Variants in NXPH1 observed in about 807,000 individuals in gnomAD.
NXPH1 encodes neurexophilin 1.
In NXPH1, 5 loss-of-function variants were observed where a neutral mutation model predicts 23.7. The ratio of observed to expected loss-of-function variants is 0.21; its 90% confidence interval spans 0.11 to 0.44. NXPH1 has a LOEUF of 0.44. Ranked by LOEUF, NXPH1 falls within the 20% of genes least tolerant of loss-of-function variation. The probability of loss-of-function intolerance (pLI) is 0.99; values close to 1 mark genes in which losing one functional copy is unlikely to be tolerated. For synonymous variants in NXPH1, 144 were observed against 122.2 expected (o/e 1.18, Z -1.18); for missense variants, 324 against 321.6 (o/e 1.01, Z -0.06).
intron 2 of NXPH1, among the ~76,000 whole-genome samples, chr7:8,558,329 T>C (rs1051791040): frequency 1.6e-4 from 25 of 151,626 alleles, no homozygotes; most frequent in African/African-American, 5.6e-4. Context: ...TGGAAGCGAG[T>C]TGTAATTCTT....
At chr7:8,529,278 G>A (rs1201814519) in intron 2 of NXPH1, among the ~76,000 whole-genome samples, 2 of 152,188 alleles carry the variant, frequency 1.3e-5, no homozygotes, top group African/African-American at 4.8e-5. Flanking sequence ...TATACACAAA[G>A]TCCCTTTTGC....
intron 2 of NXPH1, among the ~76,000 whole-genome samples, chr7:8,482,949 A>G (rs1817099877): frequency 1.3e-5 from 2 of 152,240 alleles, no homozygotes; most frequent in Admixed American, 1.3e-4. Flanking sequence ...CAAATAAACG[A>G]AATATCTTCT....
chr7:8,554,092 G>C (rs1246070328), intron 2 of NXPH1, among the ~76,000 whole-genome samples: 2 of 151,622 alleles, frequency 1.3e-5, no homozygotes, highest in African/African-American at 2.4e-5. Context: ...GTGGAGTTAT[G>C]CTTGTTAAGA....
chr7:8,490,709 G>C (rs963623517), intron 2 of NXPH1, among the ~76,000 whole-genome samples: 1 of 152,018 alleles, frequency 6.6e-6, no homozygotes, highest in African/African-American at 2.4e-5. Flanking sequence ...TTCTATGTAA[G>C]ATGTCAATAG....
intron 2 of NXPH1, among the ~76,000 whole-genome samples, chr7:8,714,005 A>G (rs1562462810): frequency 6.6e-6 from 1 of 152,176 alleles, no homozygotes; most frequent in Admixed American, 6.5e-5. Context: ...GGGCTCTACA[A>G]TTTACAATTA....
intron 2 of NXPH1, among the ~76,000 whole-genome samples, chr7:8,480,405 T>C (rs750980981): frequency 2.0e-5 from 3 of 152,202 alleles, no homozygotes; most frequent in Non-Finnish European, 4.4e-5. Context: ...GGAAGGCAAA[T>C]CTATCTTTAC....
At chr7:8,720,004 T>G (rs1399127657) in intron 2 of NXPH1, among the ~76,000 whole-genome samples, 1 of 152,164 alleles carries the variant, frequency 6.6e-6, no homozygotes, top group Non-Finnish European at 1.5e-5. Context: ...GGCTATGAAG[T>G]CCTTGCTGAA....
At chr7:8,497,580 T>A (rs1817358822) in intron 2 of NXPH1, among the ~76,000 whole-genome samples, 1 of 152,268 alleles carries the variant, frequency 6.6e-6, no homozygotes, top group Middle Eastern at 3.4e-3. Flanking sequence ...GGTATCTCAT[T>A]GTGGTTTTGA....
At chr7:8,555,337 A>T (rs1818340541) in intron 2 of NXPH1, among the ~76,000 whole-genome samples, 1 of 151,664 alleles carries the variant, frequency 6.6e-6, no homozygotes, top group African/African-American at 2.4e-5. Context: ...TGTCTCTTTG[A>T]TGGATGTGTA....
intron 2 of NXPH1, among the ~76,000 whole-genome samples, chr7:8,474,072 A>G (rs912416017): frequency 6.6e-6 from 1 of 152,182 alleles, no homozygotes; most frequent in Admixed American, 6.5e-5. Context: ...CTAATGGTGG[A>G]TAGCCAATTA....
chr7:8,751,582 G>C lies in NXPH1; in HGVS notation c.629G>C (p.Cys210Ser). ...GACAAGGCTACCAAGAACACACTCT[G>C]CAACTATGACCCTTCAAAAACCTGT... is the stretch of plus-strand genomic sequence containing the variant. The part of the protein sequence containing the change: ...KVDKATKNTL[C>S]NYDPSKTCYQ... The change falls in exon 3 of 3, where the codon TGC (cysteine) becomes TCC (serine). Residue 210 changes from cysteine to serine, a missense_variant. Cys to Ser is a moderately radical substitution (Grantham distance 112). Coordinates refer to ENST00000405863, the MANE Select transcript of NXPH1 (RefSeq NM_152745.3). This position sits in a 1 kb window ranked among gnomAD's most constrained non-coding sequence, Gnocchi z 4.5. The C allele has an allele frequency of 6.2e-7, 1 of 1,613,472 alleles. No homozygotes were observed. Among genetic ancestry groups the C allele is most frequent in the Non-Finnish European group, 8.5e-7 (1 of 1,179,726 alleles).
intron 2 of NXPH1, among the ~76,000 whole-genome samples, chr7:8,616,455 C>T (rs1235458521): frequency 1.3e-5 from 2 of 151,966 alleles, no homozygotes; most frequent in Non-Finnish European, 2.9e-5. Context: ...CTCGTCATCT[C>T]GACTCAACTT....
chr7:8,547,471 C>T (rs975671810), intron 2 of NXPH1, among the ~76,000 whole-genome samples: 3 of 151,168 alleles, frequency 2.0e-5, no homozygotes, highest in East Asian at 2.0e-4. Context: ...GACTAGAAAA[C>T]GTGTAATTCT....
chr7:8,675,934 T>C (rs1290945606), intron 2 of NXPH1, among the ~76,000 whole-genome samples: 1 of 152,162 alleles, frequency 6.6e-6, no homozygotes, highest in African/African-American at 2.4e-5. Context: ...TGTTGGTCAT[T>C]CTTGGCTCCA....
intron 2 of NXPH1, among the ~76,000 whole-genome samples, chr7:8,743,675 T>C (rs942175533): frequency 7.1e-6 from 1 of 141,464 alleles, no homozygotes; most frequent in African/African-American, 2.7e-5. Context: ...GTGGCAACTC[T>C]TTTTTTTTCT....
intron 2 of NXPH1, among the ~76,000 whole-genome samples, chr7:8,542,202 G>A (rs1425161100): frequency 2.0e-5 from 3 of 151,502 alleles, no homozygotes; most frequent in Non-Finnish European, 4.4e-5. Context: ...TAATATAAAA[G>A]TGGATCTGTG....
At chr7:8,582,230 A>G (rs1245100170) in intron 2 of NXPH1, among the ~76,000 whole-genome samples, 1 of 152,216 alleles carries the variant, frequency 6.6e-6, no homozygotes, top group Non-Finnish European at 1.5e-5. Context: ...AGACAGTGTC[A>G]TAGCCCTGGC....
intron 2 of NXPH1, among the ~76,000 whole-genome samples, chr7:8,464,194 C>T (rs1228668157): frequency 2.6e-5 from 4 of 152,056 alleles, no homozygotes; most frequent in Admixed American, 2.6e-4. Context: ...CTCCATTTAA[C>T]CTCCTTCTTT....
chr7:8,652,780 G>GA (rs1164293461), intron 2 of NXPH1, among the ~76,000 whole-genome samples: 1 of 152,028 alleles, frequency 6.6e-6, no homozygotes, highest in Non-Finnish European at 1.5e-5. Flanking sequence ...CTTCTTAAGG[G>GA]AAAAAACATA....
Sources: gnomAD v4.1 joint callset for allele counts (sites outside exome capture counted in the v4.1 genomes callset) on GRCh38, gnomAD v4.1.1 for gene constraint, Gnocchi (gnomAD v3.1) non-coding constraint, MANE v1.5 for transcripts, NCBI Gene and HGNC (gene_info 2026-07-23, HGNC 2026-07-21) for gene names.